The following GRM5 variants were observed in gnomAD, a reference collection of about 807,000 sequenced individuals.
GRM5 encodes metabotropic glutamate receptor 5.
In GRM5, 19 loss-of-function variants were observed where a neutral mutation model predicts 83.1. That is an observed-to-expected ratio of 0.23 (90% CI 0.16 to 0.34). The LOEUF (loss-of-function observed/expected upper bound fraction) is 0.34, where lower values mean the gene tolerates loss of function less well. Ranked by LOEUF, GRM5 falls within the 10% of genes least tolerant of loss-of-function variation. The probability of loss-of-function intolerance (pLI) is 1.00; values close to 1 mark genes in which losing one functional copy is unlikely to be tolerated. For missense variants in GRM5, 1,160 were observed against 1,588.3 expected, an observed-to-expected ratio of 0.73 and a Z score of 4.58; for synonymous variants, 675 against 633.6, an observed-to-expected ratio of 1.07 and a Z score of -0.98.
At chr11:88,620,135 C>G (rs999272258) in intron 4 of GRM5, among the ~76,000 whole-genome samples, 6 of 152,196 alleles carry the variant, frequency 3.9e-5, no homozygotes, top group African/African-American at 1.4e-4. Flanking sequence ...TCTATTACAA[C>G]ACACAATACT....
chr11:88,581,359 A>G (rs903485367), intron 7 of GRM5, among the ~76,000 whole-genome samples: 2 of 152,196 alleles, frequency 1.3e-5, no homozygotes, highest in Non-Finnish European at 2.9e-5. Context: ...TGTTATCTCA[A>G]TTTTATGGAA....
At chr11:88,614,946 T>G (rs942539555) in intron 4 of GRM5, among the ~76,000 whole-genome samples, 1 of 152,140 alleles carries the variant, frequency 6.6e-6, no homozygotes, top group African/African-American at 2.4e-5. Context: ...AAATAAGAGA[T>G]AAACTTAGGG....
intron 3 of GRM5, among the ~76,000 whole-genome samples, chr11:88,796,540 T>C (rs1943277987): frequency 6.6e-6 from 1 of 152,206 alleles, no homozygotes; most frequent in Admixed American, 6.5e-5. Flanking sequence ...TTCTGTATGG[T>C]TACTTCTGTG....
At chr11:88,972,704 T>C (rs1565315319) in intron 2 of GRM5, among the ~76,000 whole-genome samples, 1 of 152,118 alleles carries the variant, frequency 6.6e-6, no homozygotes, top group African/African-American at 2.4e-5. Context: ...TGATGAAAAA[T>C]GGAGTATTCA....
chr11:88,697,806 A>T (rs7480936), intron 3 of GRM5, among the ~76,000 whole-genome samples: 1 of 152,214 alleles, frequency 6.6e-6, no homozygotes. Flanking sequence ...TGCAAGTGAA[A>T]TCTTTAAATA....
intron 2 of GRM5, among the ~76,000 whole-genome samples, chr11:88,959,657 C>G (rs1249314879): frequency 6.6e-6 from 1 of 152,160 alleles, no homozygotes; most frequent in African/African-American, 2.4e-5. Context: ...AACACCCTTC[C>G]TTCCCTGCTC....
intron 1 of GRM5, among the ~76,000 whole-genome samples, chr11:89,060,252 A>G (rs1013745121): frequency 1.4e-5 from 2 of 144,992 alleles, no homozygotes; most frequent in African/African-American, 5.1e-5. Flanking sequence ...TGCCTTTTAC[A>G]TATATGGTAA....
intron 3 of GRM5, among the ~76,000 whole-genome samples, chr11:88,704,847 C>A (rs747140326): frequency 2.2e-4 from 34 of 151,970 alleles, no homozygotes; most frequent in Admixed American, 3.9e-4. Context: ...TGGAAGGAAG[C>A]TAGTTTTTCC....
chr11:88,575,021 A>G (rs1415652503), intron 7 of GRM5, among the ~76,000 whole-genome samples: 2 of 150,754 alleles, frequency 1.3e-5, no homozygotes, highest in Non-Finnish European at 3.0e-5. Flanking sequence ...TAGAAAAAAA[A>G]AATAGAAAAG....
intron 2 of GRM5, among the ~76,000 whole-genome samples, chr11:88,954,397 C>T (rs546147160): frequency 6.6e-6 from 1 of 152,006 alleles, no homozygotes; most frequent in Non-Finnish European, 1.5e-5. Flanking sequence ...CATTTGTGTG[C>T]TCCCTAAGGT....
intron 2 of GRM5, among the ~76,000 whole-genome samples, chr11:88,973,996 A>C (rs1244917566): frequency 6.6e-6 from 1 of 152,160 alleles, no homozygotes; most frequent in East Asian, 1.9e-4. Context: ...AGGGATTCAG[A>C]CATTCAATAT....
chr11:88,513,497 T>C (rs1242047394), intron 9 of GRM5, among the ~76,000 whole-genome samples: 1 of 152,200 alleles, frequency 6.6e-6, no homozygotes, highest in Non-Finnish European at 1.5e-5. Flanking sequence ...TAGTACTCAA[T>C]GTCTACATAT....
At chr11:88,799,782 T>C (rs1476022559) in intron 3 of GRM5, among the ~76,000 whole-genome samples, 1 of 152,102 alleles carries the variant, frequency 6.6e-6, no homozygotes, top group Non-Finnish European at 1.5e-5. Context: ...TTTCTCCTTT[T>C]TCTTATCCTT....
chr11:88,615,592 C>T (rs1379683653), intron 4 of GRM5, among the ~76,000 whole-genome samples: 2 of 149,264 alleles, frequency 1.3e-5, no homozygotes, highest in Non-Finnish European at 3.0e-5. Flanking sequence ...TTACAAAATG[C>T]TTTAATCTCA....
chr11:88,674,040 A>G (rs1234112261), intron 3 of GRM5, among the ~76,000 whole-genome samples: 1 of 151,890 alleles, frequency 6.6e-6, no homozygotes, highest in Non-Finnish European at 1.5e-5. Context: ...GGGAAGAATC[A>G]ACACATCTCA....
rs543517079 is a variant in GRM5 at position 88,926,744 on chromosome 11, A to G, written c.662-76589T>C. On this transcript the variant is annotated intron_variant, in intron 2 of 9. Coordinates refer to ENST00000305447, the MANE Select transcript of GRM5 (RefSeq NM_001143831.3). ...CATAGAGAAATCTATTTCTTAAATG[A>G]CATCAATCTAAGATCCACCAAAATG... Among the ~76,000 whole-genome samples the G allele has an allele frequency of 1.2e-3, 183 of 152,248 alleles. 2 individuals carry two copies. The highest frequency in any genetic ancestry group is 4.0e-3 in the African/African-American group (167 of 41,562).
intron 3 of GRM5, among the ~76,000 whole-genome samples, chr11:88,703,966 T>C (rs139306886): frequency 2.2e-3 from 333 of 152,136 alleles, no homozygotes; most frequent in Non-Finnish European, 2.8e-3. Context: ...TAATTTCTCA[T>C]AGTACTGGAG....
chr11:88,533,156 A>C (rs961229330), intron 8 of GRM5, among the ~76,000 whole-genome samples: 1 of 151,926 alleles, frequency 6.6e-6, no homozygotes, highest in African/African-American at 2.4e-5. Context: ...AAATTATGAA[A>C]TTTTTTATCA....
At chr11:88,772,962 C>T (rs183018935) in intron 3 of GRM5, among the ~76,000 whole-genome samples, 176 of 152,262 alleles carry the variant, frequency 1.2e-3, no homozygotes, top group African/African-American at 4.0e-3. Context: ...TGGGTATATA[C>T]CCAGTAATGG....
Sources: gnomAD v4.1 joint callset for allele counts (sites outside exome capture counted in the v4.1 genomes callset) on GRCh38, gnomAD v4.1.1 for gene constraint, MANE v1.5 for transcripts, NCBI Gene and HGNC (gene_info 2026-07-23, HGNC 2026-07-21) for gene names.